The following ABCC1 variants were observed in gnomAD, a reference collection of about 807,000 sequenced individuals.
ABCC1 encodes the protein multidrug resistance-associated protein 1.
In ABCC1, 83 loss-of-function variants were observed where a neutral mutation model predicts 172.9. The observed-to-expected ratio is 0.48, with a 90% confidence interval of 0.40 to 0.58. ABCC1 has a LOEUF of 0.58. Among genes scored for constraint, ABCC1 ranks in the 20% least tolerant of loss-of-function variants. The pLI is 0.00. For synonymous variants in ABCC1, 937 were observed against 825.2 expected (o/e 1.14, Z -2.32); for missense variants, 1,817 against 2,002.7 (o/e 0.91, Z 1.77).
rs200570840 is a variant in ABCC1, at chr16:16,036,484, G to A, written c.690G>A (p.Arg230=). 1.4e-4 allele frequency: 229 copies of A among 1,613,394 alleles called. 1 individual carries two copies. Among genetic ancestry groups the A allele is most frequent in the Non-Finnish European group, 4.2e-5 (50 of 1,179,722 alleles). ...GTCTTGGCCCCAGGTTGATTGTCCG[G>A]GGCTACCGCCAGCCCCTGGAGGGCA... ...TFWWITGLIV[R]GYRQPLEGSD... Residue 230 remains arginine, a synonymous_variant, in exon 7 of 31, where the codon CGG becomes CGA. Transcript: ENST00000399410.
At chr16:16,001,971 G>A (rs560166011) in intron 1 of ABCC1, among the ~76,000 whole-genome samples, 34 of 152,264 alleles carry the variant, frequency 2.2e-4, no homozygotes, top group African/African-American at 7.7e-4. Context: ...TCCCACCTGG[G>A]CCTCCCAAAA....
intron 1 of ABCC1, among the ~76,000 whole-genome samples, chr16:16,007,213 G>GT (rs765632176): frequency 5.6e-5 from 6 of 107,382 alleles, no homozygotes; most frequent in East Asian, 2.5e-4. Flanking sequence ...TGTATGCACT[G>GT]TTGTGTGTGT....
At chr16:16,000,934 C>T (rs952159388) in intron 1 of ABCC1, among the ~76,000 whole-genome samples, 1 of 152,156 alleles carries the variant, frequency 6.6e-6, no homozygotes, top group African/African-American at 2.4e-5. Flanking sequence ...AAAGACATTG[C>T]AGAGAGAGGA....
At chr16:16,126,368 T>G (rs2045434618) in intron 26 of ABCC1, among the ~76,000 whole-genome samples, 1 of 152,054 alleles carries the variant, frequency 6.6e-6, no homozygotes, top group Admixed American at 6.6e-5. Flanking sequence ...GAAATAACCT[T>G]CTGTTATTTG....
intron 27 of ABCC1, among the ~76,000 whole-genome samples, 163 bp downstream of exon 27, chr16:16,132,098 G>A (rs947332420): frequency 6.6e-6 from 1 of 152,166 alleles, no homozygotes; most frequent in East Asian, 1.9e-4. Flanking sequence ...AGTAAAAGCT[G>A]TTCAGAGCGC....
At chr16:16,018,698 T>C (rs987790495) in intron 5 of ABCC1, among the ~76,000 whole-genome samples, 3 of 151,936 alleles carry the variant, frequency 2.0e-5, no homozygotes, top group African/African-American at 4.8e-5. Flanking sequence ...TACGTGTGCA[T>C]GTGCCTGCTT....
intron 1 of ABCC1, among the ~76,000 whole-genome samples, chr16:15,950,612 C>CT (rs1311632264): frequency 6.6e-6 from 1 of 152,192 alleles, no homozygotes; most frequent in Non-Finnish European, 1.5e-5. Context: ...CTGGAGTCCA[C>CT]TTGCTGTGGT....
chr16:15,961,559 C>A (rs1284108593), intron 1 of ABCC1, among the ~76,000 whole-genome samples: 1 of 152,160 alleles, frequency 6.6e-6, no homozygotes, highest in Non-Finnish European at 1.5e-5. Flanking sequence ...ATGATAGTTT[C>A]TTGGGTGTTT....
intron 16 of ABCC1, among the ~76,000 whole-genome samples, chr16:16,080,739 G>GA (rs780005794): frequency 1.2e-4 from 18 of 152,318 alleles, no homozygotes; most frequent in African/African-American, 2.4e-4. Flanking sequence ...CCTGCAAGGA[G>GA]AAAAAATCTA....
chr16:15,983,066 A>T (rs1567285822), intron 1 of ABCC1, among the ~76,000 whole-genome samples: 1 of 152,168 alleles, frequency 6.6e-6, no homozygotes, highest in Non-Finnish European at 1.5e-5. Context: ...AAAAAATCTG[A>T]TAAGTACTTA....
chr16:16,138,892 T>C (rs1458253378), intron 30 of ABCC1, among the ~76,000 whole-genome samples: 1 of 152,150 alleles, frequency 6.6e-6, no homozygotes, highest in Non-Finnish European at 1.5e-5. Flanking sequence ...ATATTTTTAG[T>C]AGTGACAGGG....
chr16:16,014,593 A>G lies in ABCC1; in HGVS notation c.454A>G (p.Ile152Val). Residue 152 changes from isoleucine (I) to valine (V), a missense_variant, in exon 4 of 31, where the codon ATC (isoleucine) becomes GTC (valine). This residue lies in a region of ABCC1 where 398 missense variants were observed against 384.2 expected (regional missense o/e 1.04). Transcript: ENST00000399410. ...WLVALVCALA[I>V]LRSKIMTALK... ...GGTAGCCCTAGTGTGTGCCCTAGCCATCCTGAGATCCAAAATTATGACAGC... is the reference window on the plus strand; with the variant it reads ...GGTAGCCCTAGTGTGTGCCCTAGCCGTCCTGAGATCCAAAATTATGACAGC... 6.2e-7 allele frequency: 1 copy of G among 1,614,056 alleles called. No individual in the cohort carries two copies. The highest frequency in any genetic ancestry group is 8.5e-7 in the Non-Finnish European group (1 of 1,180,010).
chr16:15,950,245 T>C (rs1398763915), intron 1 of ABCC1, among the ~76,000 whole-genome samples: 1 of 152,072 alleles, frequency 6.6e-6, no homozygotes, highest in African/African-American at 2.4e-5. Flanking sequence ...CGGGGTGAGC[T>C]GGGGAGGGGC....
At chr16:16,126,787 CTAAG>C (rs758196269) in intron 26 of ABCC1, among the ~76,000 whole-genome samples, 117 of 152,274 alleles carry the variant, frequency 7.7e-4, no homozygotes, top group Non-Finnish European at 1.5e-3. Flanking sequence ...GAAATTAAGT[CTAAG>C]TGACTTGATT....
intron 10 of ABCC1, among the ~76,000 whole-genome samples, chr16:16,049,904 G>C (rs930351157): frequency 8.6e-5 from 13 of 151,922 alleles, no homozygotes; most frequent in African/African-American, 1.2e-4. Context: ...ATGTTGGCTA[G>C]GCTGATCTTG....
chr16:16,004,389 C>G (rs1254232069), intron 1 of ABCC1, among the ~76,000 whole-genome samples: 1 of 152,178 alleles, frequency 6.6e-6, no homozygotes, highest in African/African-American at 2.4e-5. Context: ...CTTTTACTGG[C>G]AACTGCTCAG....
rs1567334993 is a variant in ABCC1 at position 16,036,510 on chromosome 16, G to A, written c.716G>A (p.Ser239Asn). The A allele has an allele frequency of 1.2e-6, 2 of 1,614,036 alleles. No homozygotes were observed. Among genetic ancestry groups the A allele is most frequent in the South Asian group, 2.2e-5 (2 of 91,056 alleles). The stretch of plus-strand genomic sequence containing the variant: ...GGCTACCGCCAGCCCCTGGAGGGCA[G>A]TGACCTCTGGTCCTTAAACAAGGAG... ...VRGYRQPLEGSDLWSLNKEDT... is the reference protein window; with the variant it reads ...VRGYRQPLEGNDLWSLNKEDT... Residue 239 changes from serine to asparagine, a missense_variant, in exon 7 of 31, where the codon AGT becomes AAT. Physicochemically the swap from Ser to Asn is conservative, Grantham distance 46. This residue lies in a region of ABCC1 where 398 missense variants were observed against 384.2 expected (regional missense o/e 1.04). Coordinates refer to ENST00000399410, the MANE Select transcript of ABCC1 (RefSeq NM_004996.4).
At chr16:16,032,524 T>C (rs745604027) in intron 5 of ABCC1, among the ~76,000 whole-genome samples, 3 of 152,172 alleles carry the variant, frequency 2.0e-5, no homozygotes, top group African/African-American at 7.2e-5. Context: ...GAAATACTTG[T>C]TGGATGAACG....
chr16:16,002,420 T>C (rs577390185), intron 1 of ABCC1, among the ~76,000 whole-genome samples: 9 of 152,292 alleles, frequency 5.9e-5, no homozygotes, highest in African/African-American at 2.2e-4. Flanking sequence ...ACTTGTCCCT[T>C]GTACCTCTTT....
Sources: allele counts gnomAD v4.1 joint callset (sites outside exome capture counted in the v4.1 genomes callset), GRCh38; gene constraint gnomAD v4.1.1; regional missense constraint gnomAD v4.1.1; transcripts MANE v1.5; gene names NCBI Gene and HGNC (gene_info 2026-07-23, HGNC 2026-07-21).